FHIP1A: variants seen among roughly 807,000 people sequenced by gnomAD.
The protein encoded by FHIP1A is FHF complex subunit HOOK-interacting protein 1A.
A neutral mutation model predicts 88.6 loss-of-function variants in FHIP1A; 61 were observed. The observed-to-expected ratio is 0.69, with a 90% CI of 0.56 to 0.85. FHIP1A has a LOEUF of 0.85. FHIP1A is among the 40% of genes least tolerant of loss of function. FHIP1A has a pLI of 0.00. For synonymous variants in FHIP1A, 478 were observed against 496.0 expected, an observed-to-expected ratio of 0.96 and a Z score of 0.48; for missense variants, 1,154 against 1,273.5, an observed-to-expected ratio of 0.91 and a Z score of 1.43.
Position 151,656,725 on chromosome 4 carries a change from T to TGAA in FHIP1A, c.2731-33_2731-32insAGA. On this transcript the variant is annotated intron_variant, in intron 12 of 13. Coordinates refer to ENST00000435205, the MANE Select transcript of FHIP1A (RefSeq NM_001109977.3). The surrounding 1 kb of genome is among the most constrained non-coding windows in gnomAD (Gnocchi z 4.2). ...GATAACTGGGAGTGGAATTTCATGG[T>TGAA]GAGGCATTAACATCAGTAATGCTGT... 3 of 1,532,934 alleles carry TGAA rather than the reference T, an allele frequency of 2.0e-6. No individual in the cohort carries two copies. Among genetic ancestry groups the TGAA allele is most frequent in the Non-Finnish European group, 2.6e-6 (3 of 1,135,708 alleles). The allele number at this position is 1,532,934 out of a possible 1,614,324, so 95.0% of individuals were successfully genotyped here. A position where few individuals can be genotyped will look rare whatever the true frequency, so the allele number is the denominator to read the frequency against.
At chr4:151,646,429 G>C (rs895645097) in intron 9 of FHIP1A, 129 bp from the exon 10 acceptor site, 2 of 612,174 alleles carry the variant, frequency 3.3e-6, no homozygotes, top group Non-Finnish European at 5.7e-6. Context: ...CTGGTGAGAT[G>C]ATCAATTGAG....
intron 7 of FHIP1A, among the ~76,000 whole-genome samples, chr4:151,597,481 G>T (rs1347411827): frequency 6.6e-6 from 1 of 152,172 alleles, no homozygotes; most frequent in African/African-American, 2.4e-5. Context: ...GCTGGGAGGT[G>T]TCTCCCTGTC....
At chr4:151,545,775 T>C (rs1273199728) in intron 3 of FHIP1A, among the ~76,000 whole-genome samples, 2 of 152,200 alleles carry the variant, frequency 1.3e-5, no homozygotes, top group African/African-American at 4.8e-5. Flanking sequence ...AAGAATTATT[T>C]TGAATTAAAA....
At position 151,649,477 on chromosome 4, in the gene FHIP1A, T is replaced by C; in HGVS notation, c.1436T>C (p.Phe479Ser). ...TGTGCAGGGCCTGTGGAGCGGCCAT[T>C]CCCCGAAGCGTTCTCCGAGTCAGCC... is the stretch of plus-strand genomic sequence containing the variant. ...HDTSGPVERP[F>S]PEAFSESACI... is the part of the protein sequence containing the mutation. The change falls in exon 11 of 14, where the codon TTC becomes TCC. Residue 479 changes from phenylalanine to serine, a missense_variant. Transcript: ENST00000435205. The C allele has an allele frequency of 6.5e-7, 1 of 1,549,952 alleles. No individual in the cohort carries two copies. Among genetic ancestry groups the C allele is most frequent in the Non-Finnish European group, 8.7e-7 (1 of 1,146,142 alleles).
intron 11 of FHIP1A, among the ~76,000 whole-genome samples, chr4:151,652,300 T>C (rs542402096): frequency 6.1e-4 from 93 of 152,352 alleles, no homozygotes; most frequent in African/African-American, 2.2e-3. Flanking sequence ...TCCTTTTTCC[T>C]CTTTTGAACC....
chr4:151,498,195 A>G (rs1730529005), intron 3 of FHIP1A, among the ~76,000 whole-genome samples: 1 of 152,164 alleles, frequency 6.6e-6, no homozygotes, highest in East Asian at 1.9e-4. Context: ...TACTGTTTTA[A>G]CAATTGTCAG....
chr4:151,438,017 A>G (rs1465558085), intron 1 of FHIP1A, among the ~76,000 whole-genome samples: 1 of 152,150 alleles, frequency 6.6e-6, no homozygotes, highest in Non-Finnish European at 1.5e-5. Context: ...ATTAACTGTA[A>G]AGAGAAAACC....
chr4:151,523,241 T>G (rs1267916457), intron 3 of FHIP1A, among the ~76,000 whole-genome samples: 4 of 152,326 alleles, frequency 2.6e-5, no homozygotes, highest in East Asian at 1.9e-4. Flanking sequence ...GGGTTTTTTT[T>G]GGGCTTAACA....
At chr4:151,620,702 A>G (rs1735706555) in intron 7 of FHIP1A, among the ~76,000 whole-genome samples, 1 of 152,068 alleles carries the variant, frequency 6.6e-6, no homozygotes, top group Admixed American at 6.6e-5. Flanking sequence ...AAAGGAAATT[A>G]GCATTATAAA....
At chr4:151,471,176 G>A (rs1333410755) in intron 2 of FHIP1A, among the ~76,000 whole-genome samples, 2 of 151,928 alleles carry the variant, frequency 1.3e-5, no homozygotes, top group Non-Finnish European at 2.9e-5. Flanking sequence ...TACATTTCTT[G>A]GAAACATAAT....
At chr4:151,590,511 C>T (rs1480754538) in intron 7 of FHIP1A, among the ~76,000 whole-genome samples, 1 of 152,184 alleles carries the variant, frequency 6.6e-6, no homozygotes, top group African/African-American at 2.4e-5. Context: ...AAAGTTAAAT[C>T]ATTACATGTG....
intron 3 of FHIP1A, among the ~76,000 whole-genome samples, chr4:151,551,835 G>A (rs1272709061): frequency 6.6e-6 from 1 of 152,106 alleles, no homozygotes; most frequent in Non-Finnish European, 1.5e-5. Flanking sequence ...TTGACAAATG[G>A]GATCTAATTA....
At chr4:151,658,704 A>T (rs1737342317) in intron 13 of FHIP1A, among the ~76,000 whole-genome samples, 1 of 152,216 alleles carries the variant, frequency 6.6e-6, no homozygotes, top group Non-Finnish European at 1.5e-5. Flanking sequence ...AGTTGTGGGC[A>T]TTCTGCAGTC....
chr4:151,639,552 G>A (rs1437726085), intron 9 of FHIP1A, among the ~76,000 whole-genome samples: 1 of 152,168 alleles, frequency 6.6e-6, no homozygotes, highest in Non-Finnish European at 1.5e-5. Context: ...CAGAACTCTA[G>A]AAACTCCTGG....
rs1299970310 is a variant in FHIP1A at position 151,665,125 on chromosome 4, C to A, written c.*2371C>A. Among the ~76,000 whole-genome samples, 1 of 152,132 alleles carries A rather than the reference C, an allele frequency of 6.6e-6. No individual in the cohort carries two copies. Among genetic ancestry groups the A allele is most frequent in the Non-Finnish European group, 1.5e-5 (1 of 68,018 alleles). On this transcript the variant is annotated 3_prime_UTR_variant, in exon 14 of 14. Coordinates refer to ENST00000435205, the MANE Select transcript of FHIP1A (RefSeq NM_001109977.3). ...GAGTAGCTGGGAATATAGGAACGTG[C>A]CACCACACCCAGCTAACTTTTTGGT...
At chr4:151,516,080 AT>A (rs1444103275) in intron 3 of FHIP1A, among the ~76,000 whole-genome samples, 3 of 152,250 alleles carry the variant, frequency 2.0e-5, no homozygotes, top group Non-Finnish European at 4.4e-5. Context: ...CCAAAACAGC[AT>A]GGTACTGGTA....
chr4:151,573,195 ATG>A (rs1259407391), intron 4 of FHIP1A, among the ~76,000 whole-genome samples: 2 of 152,018 alleles, frequency 1.3e-5, no homozygotes, highest in Non-Finnish European at 2.9e-5. Context: ...GTTGATTTTT[ATG>A]TGTTTCTTTC....
intron 3 of FHIP1A, among the ~76,000 whole-genome samples, chr4:151,526,746 A>T (rs1731674591): frequency 6.7e-6 from 1 of 148,566 alleles, no homozygotes; most frequent in African/African-American, 2.5e-5. Flanking sequence ...TGCTGGGCGG[A>T]GGGGCTCCTC....
chr4:151,584,610 C>T (rs896984016), intron 5 of FHIP1A, among the ~76,000 whole-genome samples: 2 of 152,190 alleles, frequency 1.3e-5, no homozygotes, highest in South Asian at 2.1e-4. Context: ...TAGCCCAGAG[C>T]TCTCTTTTAA....
Sources: gnomAD v4.1 joint callset for allele counts (sites outside exome capture counted in the v4.1 genomes callset) on GRCh38, gnomAD v4.1.1 for gene constraint, Gnocchi (gnomAD v3.1) non-coding constraint, MANE v1.5 for transcripts, NCBI Gene and HGNC (gene_info 2026-07-23, HGNC 2026-07-21) for gene names.